DNAH12: variants seen among roughly 807,000 people sequenced by gnomAD.
DNAH12 encodes dynein axonemal heavy chain 12.
In DNAH12, 285 loss-of-function variants were observed where a neutral mutation model predicts 371.5. The ratio of observed to expected loss-of-function variants is 0.77; its 90% CI spans 0.70 to 0.85. The LOEUF (loss-of-function observed/expected upper bound fraction) is 0.85. DNAH12 is among the 40% of genes least tolerant of loss of function. DNAH12 has a pLI of 0.00. For synonymous variants in DNAH12, 1,200 were observed against 1,213.0 expected (o/e 0.99, Z 0.22); for missense variants, 3,611 against 3,689.4 (o/e 0.98, Z 0.55).
At chr3:57,390,424 A>AAAATATATAT in intron 45 of DNAH12, among the ~76,000 whole-genome samples, 8 of 33,440 alleles carry the variant, frequency 2.4e-4, no homozygotes, top group African/African-American at 5.0e-4. Flanking sequence ...AAAAAAAAAA[A>AAAATATATAT]ATATATATAT....
chr3:57,454,774 C>A lies in DNAH12; in HGVS notation c.3456+1G>T. The stretch of plus-strand genomic sequence containing the variant: ...TTACTTAAAAGCAAACAATGCTTTA[C>A]CTCCGTCCCGCCACTTATCACTTCC... On this transcript the variant is annotated splice_donor_variant, in intron 23 of 73. Transcript: ENST00000495027. LOFTEE classifies it high-confidence loss of function. The A allele has an allele frequency of 6.4e-7, 1 of 1,550,862 alleles. No individual in the cohort carries two copies. Among genetic ancestry groups the A allele is most frequent in the Non-Finnish European group, 8.7e-7 (1 of 1,146,674 alleles).
chr3:57,403,483 T>C lies in DNAH12; in HGVS notation c.6774A>G (p.Leu2258=). 1 of 1,548,438 alleles carries C rather than the reference T, an allele frequency of 6.5e-7. No individual in the cohort carries two copies. Among genetic ancestry groups the C allele is most frequent in the Non-Finnish European group, 8.7e-7 (1 of 1,146,004 alleles). The change falls in exon 43 of 74, where the codon TTA becomes TTG. Residue 2258 remains leucine, a synonymous_variant. Transcript: ENST00000495027. ...GCTTTAGAACTCGACATATTCTTGA[T>C]AAATGTTCCAAAACATACCTACCAC... is the stretch of plus-strand genomic sequence containing the variant. ...LVIFRYVLEH[L]SRICRVLKQS... is the part of the protein sequence containing the mutation.
chr3:57,302,567 A>ATATATATATATTTTTTTTTT (rs2061380979), intron 69 of DNAH12, among the ~76,000 whole-genome samples: 4 of 27,484 alleles, frequency 1.5e-4, no homozygotes, highest in Non-Finnish European at 1.9e-4. Context: ...ATATATATGT[A>ATATATATATATTTTTTTTTT]TTTTTTTTTT....
In DNAH12 at chr3:57,446,062, G is replaced by T; in HGVS notation, c.4148C>A (p.Ala1383Glu). 4 of 1,551,558 alleles carry T rather than the reference G, an allele frequency of 2.6e-6. No homozygotes were observed. The highest frequency in any genetic ancestry group is 3.5e-6 in the Non-Finnish European group (4 of 1,146,964). ...FVAITMNPGYAGRSELPDNLK... is the reference protein window; with the variant it reads ...FVAITMNPGYEGRSELPDNLK... ...ATTGTCCGGCAATTCAGAGCGTCCT[G>T]CATAGCCAGGATTCATGGTAATAGC... is the stretch of plus-strand genomic sequence containing the variant. Residue 1383 changes from alanine to glutamate, a missense_variant, in exon 27 of 74, where the codon GCA becomes GAA. This residue lies in a region of DNAH12 where 2,266 missense variants were observed against 2,236.9 expected (regional missense o/e 1.01). Transcript: ENST00000495027.
intron 4 of DNAH12, among the ~76,000 whole-genome samples, chr3:57,515,811 C>T (rs1173208409): frequency 1.3e-5 from 2 of 151,868 alleles, no homozygotes; most frequent in African/African-American, 4.8e-5. Flanking sequence ...ATCATTGTTA[C>T]AGGCAAAGAT....
chr3:57,361,050 CAT>C (rs1471950671), intron 58 of DNAH12, among the ~76,000 whole-genome samples: 2 of 151,744 alleles, frequency 1.3e-5, no homozygotes, highest in Non-Finnish European at 2.9e-5. Flanking sequence ...AGAGAAGTAA[CAT>C]AAAAATATCA....
At chr3:57,412,275 C>T (rs191121317) in intron 39 of DNAH12, among the ~76,000 whole-genome samples, 1 of 152,158 alleles carries the variant, frequency 6.6e-6, no homozygotes, top group Non-Finnish European at 1.5e-5. Flanking sequence ...TTGACCTATA[C>T]ACAATTTTAC....
chr3:57,487,840 A>C (rs1435881159), intron 12 of DNAH12, among the ~76,000 whole-genome samples: 1 of 151,722 alleles, frequency 6.6e-6, no homozygotes, highest in African/African-American at 2.4e-5. Flanking sequence ...AAATACAAAA[A>C]AATTATGTTA....
the DNAH12 span, among the ~76,000 whole-genome samples, chr3:57,553,641 T>A: frequency 0.013 from 2,017 of 152,280 alleles, 49 homozygotes; most frequent in African/African-American, 0.046. Flanking sequence ...TATCAAAATG[T>A]GTGCAAGGTT....
chr3:57,344,517 A>G (rs139865907), intron 60 of DNAH12, among the ~76,000 whole-genome samples: 1 of 152,322 alleles, frequency 6.6e-6, no homozygotes, highest in Non-Finnish European at 1.5e-5. Flanking sequence ...ACTATTCACA[A>G]TAACCAAGGT....
chr3:57,391,011 T>A (rs2063611308), intron 45 of DNAH12, among the ~76,000 whole-genome samples: 2 of 152,074 alleles, frequency 1.3e-5, no homozygotes, highest in African/African-American at 4.8e-5. Flanking sequence ...ACCAAACAAT[T>A]TTCAGTGGGG....
chr3:57,508,660 A>C (rs754074586), intron 6 of DNAH12, 120 bp from the exon 7 acceptor site: 1 of 1,118,430 alleles, frequency 8.9e-7, no homozygotes, highest in Non-Finnish European at 1.2e-6. Flanking sequence ...GAGAAGAGGG[A>C]GCTGTGGTCA....
At chr3:57,311,530 T>C (rs142259572) in intron 66 of DNAH12, among the ~76,000 whole-genome samples, 146 of 152,390 alleles carry the variant, frequency 9.6e-4, no homozygotes, top group African/African-American at 3.3e-3. Flanking sequence ...CCTTGTTTTA[T>C]GGCACTAGCT....
chr3:57,479,567 G>A (rs549197738), intron 13 of DNAH12, among the ~76,000 whole-genome samples: 60 of 152,144 alleles, frequency 3.9e-4, no homozygotes, highest in Admixed American at 1.8e-3. Context: ...TGCACCAAGC[G>A]GACCTAATAG....
At chr3:57,304,754 G>C (rs953331072) in intron 69 of DNAH12, among the ~76,000 whole-genome samples, 2 of 151,926 alleles carry the variant, frequency 1.3e-5, no homozygotes, top group Non-Finnish European at 2.9e-5. Flanking sequence ...AGAACCCCCC[G>C]ACCCCTTTTC....
rs2062888414 is a variant in DNAH12, at chr3:57,359,999, T to C, written c.9361-2651A>G. Reference sequence around the variant, plus strand: ...GATCCAGTCAGAAAGGTCCTATCATTTATTATATTTTTCTCACTGTAAGAT... The same window carrying C: ...GATCCAGTCAGAAAGGTCCTATCATCTATTATATTTTTCTCACTGTAAGAT... On this transcript the variant is annotated intron_variant, in intron 58 of 73. Coordinates refer to ENST00000495027, the MANE Select transcript of DNAH12 (RefSeq NM_001366028.2). 2.0e-5 allele frequency among the ~76,000 whole-genome samples: 3 copies of C among 152,194 alleles called. No individual in the cohort carries two copies. In the South Asian group the frequency reaches 6.2e-4, roughly 31 times the overall value.
chr3:57,483,797 C>T (rs1298926343), intron 12 of DNAH12, among the ~76,000 whole-genome samples: 6 of 148,440 alleles, frequency 4.0e-5, no homozygotes, highest in South Asian at 4.3e-4. Context: ...AAAAAAAATA[C>T]AAAAATTAGC....
In DNAH12 at chr3:57,352,145, C is replaced by T. The variant is rs748917444; in HGVS notation, c.9614G>A (p.Arg3205Gln). The T allele has an allele frequency of 2.0e-4, 313 of 1,541,610 alleles. No homozygotes were observed. The highest frequency in any genetic ancestry group is 2.4e-4 in the Non-Finnish European group (278 of 1,144,276). ...FTYNLYCNIC[R>Q]SLFEKDKLLF... is the part of the protein sequence containing the mutation. ...CAGCTTGTCCTTCTCAAATAGTGAT[C>T]GGCATATATTACAATATAAGTTGTA... is the stretch of plus-strand genomic sequence containing the variant. Residue 3205 changes from arginine to glutamine, a missense_variant, in exon 60 of 74, where the codon CGA (arginine) becomes CAA (glutamine). Arg to Gln is a conservative substitution (Grantham distance 43, BLOSUM62 1). Transcript: ENST00000495027.
Position 57,409,674 on chromosome 3 carries a change from T to C in DNAH12, c.6021-1139A>G, listed in dbSNP as rs368887689. Reference sequence around the variant, plus strand: ...GGTTATCTCCTGAAAGCAGAATTCCTAGGGCCTATAGTAATAACAAAAATG... The same window carrying C: ...GGTTATCTCCTGAAAGCAGAATTCCCAGGGCCTATAGTAATAACAAAAATG... On this transcript the variant is annotated intron_variant, in intron 39 of 73. Transcript: ENST00000495027. Among the ~76,000 whole-genome samples the C allele has an allele frequency of 1.0e-3, 155 of 152,234 alleles. 2 individuals carry two copies. The highest frequency in any genetic ancestry group is 3.5e-3 in the African/African-American group (146 of 41,568).
Sources: allele counts gnomAD v4.1 joint callset (sites outside exome capture counted in the v4.1 genomes callset), GRCh38; gene constraint gnomAD v4.1.1; regional missense constraint gnomAD v4.1.1; transcripts MANE v1.5; gene names NCBI Gene and HGNC (gene_info 2026-07-23, HGNC 2026-07-21).